Variants in SCOC observed in about 807,000 individuals in gnomAD.
SCOC encodes the protein short coiled-coil protein.
In SCOC, 7 loss-of-function variants were observed where a neutral mutation model predicts 9.9. The ratio of observed to expected loss-of-function variants is 0.71; its 90% CI spans 0.40 to 1.33. The LOEUF is 1.33. Among genes scored for constraint, SCOC ranks in the 40% most tolerant of loss-of-function variants. SCOC has a pLI of 0.01. For synonymous variants in SCOC, 19 were observed against 28.2 expected, an observed-to-expected ratio of 0.67 and a Z score of 1.03; for missense variants, 66 against 89.7, an observed-to-expected ratio of 0.74 and a Z score of 1.07.
chr4:140,307,802 T>C (rs1472115947), intron 1 of SCOC, among the ~76,000 whole-genome samples: 1 of 152,230 alleles, frequency 6.6e-6, no homozygotes, highest in Non-Finnish European at 1.5e-5. Context: ...TGTATGCCTT[T>C]ACATTAAATA....
Position 140,378,497 on chromosome 4 carries a change from AG to A in SCOC, c.-50-622del, listed in dbSNP as rs1226791158. 2.6e-5 allele frequency among the ~76,000 whole-genome samples: 4 copies of A among 152,134 alleles called. No homozygotes were observed. In the East Asian group the frequency reaches 7.7e-4, roughly 29 times the overall value. Reference sequence around the variant, plus strand: ...AATTATAACTGTACTCAGGAGGCTGAGGAAAGAGGATTGCTTGGGTCCAGGA... The same window carrying A: ...AATTATAACTGTACTCAGGAGGCTGAGAAAGAGGATTGCTTGGGTCCAGGA... On this transcript the variant is annotated intron_variant, in intron 1 of 3. Coordinates refer to ENST00000608372, the MANE Select transcript of SCOC (RefSeq NM_001153484.2).
chr4:140,312,433 A>T (rs1308548130), intron 1 of SCOC, among the ~76,000 whole-genome samples: 1 of 152,118 alleles, frequency 6.6e-6, no homozygotes, highest in Non-Finnish European at 1.5e-5. Flanking sequence ...TTAATTAATT[A>T]ATTAATTTAT....
At chr4:140,340,030 G>C (rs1270517425), upstream of SCOC, among the ~76,000 whole-genome samples, 1 of 152,084 alleles carries the variant, frequency 6.6e-6, no homozygotes, top group Non-Finnish European at 1.5e-5. Context: ...TATTCACAAT[G>C]GTAAAGACTT....
upstream of SCOC, chr4:140,369,289 T>C (rs1173559444): frequency 8.9e-6 from 4 of 448,592 alleles, no homozygotes; most frequent in Non-Finnish European, 1.3e-5. Context: ...TTTTAACAAA[T>C]AGGTTATATT....
At chr4:140,264,829 A>G (rs144388904) in intron 1 of SCOC, among the ~76,000 whole-genome samples, 24 of 152,348 alleles carry the variant, frequency 1.6e-4, no homozygotes, top group Middle Eastern at 3.4e-3. Context: ...ATACCAATCA[A>G]GAAGATTATG....
upstream of SCOC, among the ~76,000 whole-genome samples, chr4:140,342,191 C>T (rs1726541227): frequency 6.6e-6 from 1 of 152,140 alleles, no homozygotes; most frequent in African/African-American, 2.4e-5. Flanking sequence ...GTGCCCAATA[C>T]CTTCCTGTCT....
At chr4:140,303,167 T>C (rs1014008081) in intron 1 of SCOC, among the ~76,000 whole-genome samples, 1 of 152,220 alleles carries the variant, frequency 6.6e-6, no homozygotes, top group Non-Finnish European at 1.5e-5. Context: ...TAGGGGGTTA[T>C]GCAAAGAGCC....
intron 2 of SCOC, among the ~76,000 whole-genome samples, chr4:140,351,189 T>TAA (rs77010112): frequency 9.8e-5 from 13 of 132,568 alleles, no homozygotes; most frequent in African/African-American, 2.8e-4. Context: ...AGACTTTATC[T>TAA]AAAAAAAAAA....
rs181601061 is a variant in SCOC at position 140,278,136 on chromosome 4, A to C, written c.-19+20726A>C. On this transcript the variant is annotated intron_variant, in intron 1 of 4. Coordinates refer to the SCOC transcript ENST00000394205. ...ACTATAGACTGGATAATTTATAAAC[A>C]GCGGAAATTTATTTCTCACAGTTCT... 4.4e-3 allele frequency among the ~76,000 whole-genome samples: 663 copies of C among 152,336 alleles called. 3 individuals carry two copies. Among genetic ancestry groups the C allele is most frequent in the Non-Finnish European group, 7.5e-3 (511 of 68,034 alleles).
intron 1 of SCOC, among the ~76,000 whole-genome samples, chr4:140,270,973 C>T (rs1297856649): frequency 6.6e-6 from 1 of 152,188 alleles, no homozygotes; most frequent in African/African-American, 2.4e-5. Context: ...ACCCCCCAAA[C>T]CATGCTCTTA....
intron 2 of SCOC, among the ~76,000 whole-genome samples, chr4:140,355,629 A>T (rs1727195288): frequency 6.6e-6 from 1 of 152,230 alleles, no homozygotes; most frequent in South Asian, 2.1e-4. Context: ...ATAATGAAAT[A>T]TGGTCCTCTA....
At chr4:140,260,637 G>A (rs1305225442) in intron 1 of SCOC, among the ~76,000 whole-genome samples, 2 of 152,162 alleles carry the variant, frequency 1.3e-5, no homozygotes, top group Non-Finnish European at 2.9e-5. Context: ...AAATTTTAGT[G>A]TACTCAAATT....
At chr4:140,373,292 A>C, upstream of SCOC, 1 of 1,366,210 alleles carries the variant, frequency 7.3e-7, no homozygotes, top group East Asian at 3.0e-5. Flanking sequence ...TCTGTCGCTC[A>C]TACCAGCCTC....
rs138385601 is a variant in SCOC, at chr4:140,266,072, G to T, written c.-19+8662G>T. On this transcript the variant is annotated intron_variant, in intron 1 of 4. Coordinates refer to the SCOC transcript ENST00000394205. ...GTAGGCCTGGTACAATTAATTCTGA[G>T]GCCCAATCTTTGATTTGATTGCTGT... is the stretch of plus-strand genomic sequence containing the variant. Among the ~76,000 whole-genome samples, 527 of 152,310 alleles carry T rather than the reference G, an allele frequency of 3.5e-3. 3 individuals are homozygous for T. The highest frequency in any genetic ancestry group is 0.014 in the Middle Eastern group (4 of 294).
At chr4:140,369,374 A>G (rs1453508706), upstream of SCOC, 20 of 343,556 alleles carry the variant, frequency 5.8e-5, no homozygotes, top group Non-Finnish European at 3.5e-5. Flanking sequence ...AAAATGAGTA[A>G]AAAAGAAAAT....
Position 140,302,584 on chromosome 4 carries a change from A to G in SCOC, c.-18-41037A>G, listed in dbSNP as rs142503108. Among the ~76,000 whole-genome samples the G allele has an allele frequency of 2.5e-3, 374 of 152,360 alleles. 2 individuals carry two copies. Among genetic ancestry groups the G allele is most frequent in the African/African-American group, 8.4e-3 (351 of 41,598 alleles). On this transcript the variant is annotated intron_variant, in intron 1 of 4. Transcript: ENST00000394205. ...TGAAACTTTAGGTAAGATGTACTAGAAACAAGCCAGATACTATTTCTAGTC... is the reference window on the plus strand; with the variant it reads ...TGAAACTTTAGGTAAGATGTACTAGGAACAAGCCAGATACTATTTCTAGTC...
intron 2 of SCOC, among the ~76,000 whole-genome samples, chr4:140,344,800 A>G (rs1253668174): frequency 1.3e-5 from 2 of 152,204 alleles, no homozygotes; most frequent in African/African-American, 4.8e-5. Flanking sequence ...CATGTTTCTT[A>G]GCTTCGGGAG....
rs569645747 is a variant in SCOC at position 140,289,797 on chromosome 4, T to C, written c.-19+32387T>C. 3.9e-5 allele frequency among the ~76,000 whole-genome samples: 6 copies of C among 152,374 alleles called. No individual in the cohort carries two copies. The South Asian group carries it at 6.2e-4, about 16-fold the overall frequency. ...TCTGTCCCTGTGGCGATTCCATTCA[T>C]GTGCTTATCCTGCCAGCTCAGAGAA... On this transcript the variant is annotated intron_variant, in intron 1 of 4. Coordinates refer to the SCOC transcript ENST00000394205.
At chr4:140,338,202 T>A (rs1036893298) in intron 1 of SCOC, among the ~76,000 whole-genome samples, 1 of 152,016 alleles carries the variant, frequency 6.6e-6, no homozygotes, top group Non-Finnish European at 1.5e-5. Flanking sequence ...AAAAACCACA[T>A]GATTATCTCA....
Sources: allele counts gnomAD v4.1 joint callset (sites outside exome capture counted in the v4.1 genomes callset), GRCh38; gene constraint gnomAD v4.1.1; transcripts MANE v1.5; gene names NCBI Gene and HGNC (gene_info 2026-07-23, HGNC 2026-07-21).